NPHP4: variants seen among roughly 807,000 people sequenced by gnomAD.
NPHP4 encodes the protein nephrocystin-4.
NPHP4 carries 151 observed loss-of-function variants against 155.8 expected under a neutral mutation model. The ratio of observed to expected loss-of-function variants is 0.97; its 90% CI spans 0.85 to 1.11. The LOEUF is 1.11. Among genes scored for constraint, NPHP4 ranks in the 50% least tolerant of loss-of-function variants. The pLI, the probability that NPHP4 is intolerant of heterozygous loss-of-function variation, is 0.00. For missense variants in NPHP4, 1,956 were observed against 1,925.7 expected, an observed-to-expected ratio of 1.02 and a Z score of -0.29; for synonymous variants, 845 against 816.8, an observed-to-expected ratio of 1.03 and a Z score of -0.59.
chr1:5,865,915 G>A (rs1390267459), intron 26 of NPHP4: 1 of 209,326 alleles, frequency 4.8e-6, no homozygotes, highest in East Asian at 1.3e-4. Context: ...TTCTCACAGG[G>A]CTTGGGGATC....
At chr1:5,913,229 TGAG>T (rs1274279609) in intron 11 of NPHP4, among the ~76,000 whole-genome samples, 8 of 149,480 alleles carry the variant, frequency 5.4e-5, no homozygotes, top group African/African-American at 2.0e-4. Flanking sequence ...AGCGGGGCCC[TGAG>T]ATGGGGTTGC....
intron 23 of NPHP4, chr1:5,868,227 G>A (rs1416063172): frequency 4.9e-6 from 2 of 408,322 alleles, no homozygotes; most frequent in African/African-American, 2.0e-5. Flanking sequence ...CTCCTGCCAT[G>A]ATCCCACCTC....
chr1:5,984,110 A>G (rs938026315), intron 2 of NPHP4, among the ~76,000 whole-genome samples: 2 of 152,224 alleles, frequency 1.3e-5, no homozygotes, highest in African/African-American at 2.4e-5. Flanking sequence ...ATGTTCATCA[A>G]TCACGGCCTC....
At chr1:5,900,576 G>A (rs1232592390) in intron 16 of NPHP4, among the ~76,000 whole-genome samples, 2 of 152,150 alleles carry the variant, frequency 1.3e-5, no homozygotes, top group Admixed American at 1.3e-4. Flanking sequence ...GGAGCGCAGG[G>A]GAGGTGTAGG....
At position 5,867,126 on chromosome 1, in the gene NPHP4, G is replaced by A. The variant is rs1450979771; in HGVS notation, c.3473-11C>T. 2 of 1,604,670 alleles carry A rather than the reference G, an allele frequency of 1.2e-6. No homozygotes were observed. Among genetic ancestry groups the A allele is most frequent in the Non-Finnish European group, 8.5e-7 (1 of 1,174,724 alleles). On this transcript the variant is annotated splice_polypyrimidine_tract_variant and intron_variant, in intron 24 of 29. Coordinates refer to ENST00000378156, the MANE Select transcript of NPHP4 (RefSeq NM_015102.5). This position sits in a 1 kb window ranked among gnomAD's most constrained non-coding sequence, Gnocchi z 4.1. ...TTCCCACCGGAGCACCTGGAGCAGG[G>A]GAAATGTCAAAAAGAGTCTTCTCCA...
intron 19 of NPHP4, 135 bp from the exon 20 acceptor site, chr1:5,877,433 C>A: frequency 1.7e-6 from 1 of 573,058 alleles, no homozygotes; most frequent in Non-Finnish European, 3.0e-6. Context: ...TTTGCAGCTC[C>A]AATCTGCAGA....
At chr1:5,991,191 TG>T (rs1303642044) in intron 1 of NPHP4, among the ~76,000 whole-genome samples, 1 of 152,102 alleles carries the variant, frequency 6.6e-6, no homozygotes, top group African/African-American at 2.4e-5. Flanking sequence ...AAGCACTGCC[TG>T]GAATTCCCTC....
At chr1:5,897,667 C>T (rs115826797) in intron 16 of NPHP4, among the ~76,000 whole-genome samples, 1,757 of 152,144 alleles carry the variant, frequency 0.012, 23 homozygotes, top group African/African-American at 0.039. Flanking sequence ...AGAATGCAGG[C>T]GACTACGAGA....
At chr1:5,937,148 G>A (rs1455049043) in intron 9 of NPHP4, among the ~76,000 whole-genome samples, 5 of 152,032 alleles carry the variant, frequency 3.3e-5, no homozygotes, top group Non-Finnish European at 7.4e-5. Context: ...GAAGGAGCTC[G>A]GCCCGCCACA....
Position 5,907,224 on chromosome 1 carries a change from T to C in NPHP4, c.1504-2A>G. 1.3e-6 allele frequency: 2 copies of C among 1,568,216 alleles called. No homozygotes were observed. Among genetic ancestry groups the C allele is most frequent in the Non-Finnish European group, 1.7e-6 (2 of 1,154,780 alleles). ...GGCCGCCAGCTGGGAAATTGACAAC[T>C]GGAAGGAAAGAGAGCACAGGTGAGG... is the stretch of plus-strand genomic sequence containing the variant. On this transcript the variant is annotated splice_acceptor_variant, in intron 12 of 29. Coordinates refer to ENST00000378156, the MANE Select transcript of NPHP4 (RefSeq NM_015102.5). LOFTEE classifies it high-confidence loss of function.
chr1:5,865,934 G>T (rs1174482098), intron 26 of NPHP4: 2 of 214,218 alleles, frequency 9.3e-6, no homozygotes, highest in African/African-American at 4.6e-5. Context: ...TCCGACTTAG[G>T]AGGGGAGGGG....
chr1:5,981,349 T>C (rs926185026), intron 2 of NPHP4, among the ~76,000 whole-genome samples: 1 of 152,200 alleles, frequency 6.6e-6, no homozygotes, highest in Non-Finnish European at 1.5e-5. Flanking sequence ...AGACACAGTA[T>C]AGGGCAGAGT....
intron 11 of NPHP4, among the ~76,000 whole-genome samples, chr1:5,922,674 C>G (rs1401862969): frequency 6.6e-6 from 1 of 152,130 alleles, no homozygotes; most frequent in African/African-American, 2.4e-5. Context: ...AAAAACTTAG[C>G]CAGGCACGGT....
chr1:5,941,209 T>G (rs1452075285), intron 9 of NPHP4, among the ~76,000 whole-genome samples: 1 of 139,254 alleles, frequency 7.2e-6, no homozygotes, highest in Non-Finnish European at 1.5e-5. Flanking sequence ...GACTTCTGAG[T>G]AAGTGGTAGT....
chr1:5,992,386 G>A lies in NPHP4; in HGVS notation c.-181C>T, dbSNP rs1457616227. The stretch of plus-strand genomic sequence containing the variant: ...GAGGACCGAGGACTGGCCGAGGGGC[G>A]CGCCCCGTCCGCTGCCACCCGCGGG... On this transcript the variant is annotated 5_prime_UTR_variant, in exon 1 of 30. Coordinates refer to ENST00000378156, the MANE Select transcript of NPHP4 (RefSeq NM_015102.5). 2.6e-5 allele frequency: 4 copies of A among 152,252 alleles called. No individual in the cohort carries two copies. The highest frequency in any genetic ancestry group is 6.5e-5 in the Admixed American group (1 of 15,288). The allele number at this position is 152,252 out of a possible 1,614,324, so 9.4% of individuals were successfully genotyped here.
At chr1:5,923,154 A>G (rs2101612662) in intron 11 of NPHP4, among the ~76,000 whole-genome samples, 1 of 152,352 alleles carries the variant, frequency 6.6e-6, no homozygotes, top group South Asian at 2.1e-4. Flanking sequence ...ACACACAGCT[A>G]GAAGACGCTT....
rs1642417474 is a variant in NPHP4 at position 5,874,923 on chromosome 1, G to A, written c.2995C>T (p.His999Tyr). The A allele has an allele frequency of 6.2e-7, 1 of 1,613,794 alleles. No individual in the cohort carries two copies. Residue 999 changes from histidine (H) to tyrosine (Y), a missense_variant, in exon 21 of 30, where the codon CAC becomes TAC. Coordinates refer to ENST00000378156, the MANE Select transcript of NPHP4 (RefSeq NM_015102.5). ...ACAGTCACCGTGTGCTGTGTGTTGT[G>A]GGGGTTCTTAAGCACAAACTCAAAG... ...EFFEFVLKNP[H>Y]NTQHTVTVEI...
chr1:5,948,019 C>T lies in NPHP4; in HGVS notation c.992+51G>A, dbSNP rs911579826. 9.9e-6 allele frequency: 14 copies of T among 1,409,898 alleles called. No individual in the cohort carries two copies. The East Asian group carries it at 1.8e-4, about 18-fold the overall frequency. The allele number at this position is 1,409,898 out of a possible 1,614,324, so 87.3% of individuals were successfully genotyped here. The stretch of plus-strand genomic sequence containing the variant: ...ACATGCACAAATGACCTCATTTCAT[C>T]GTGATCCCTTGCACATCCCCACCCA... On this transcript the variant is annotated intron_variant, in intron 8 of 29. Coordinates refer to ENST00000378156, the MANE Select transcript of NPHP4 (RefSeq NM_015102.5).
At chr1:5,924,811 C>T (rs1263197897) in intron 11 of NPHP4, among the ~76,000 whole-genome samples, 4 of 152,084 alleles carry the variant, frequency 2.6e-5, no homozygotes, top group Non-Finnish European at 2.9e-5. Context: ...CACACCACCG[C>T]GCATAGCTAA....
Sources: gnomAD v4.1 joint callset for allele counts (sites outside exome capture counted in the v4.1 genomes callset) on GRCh38, gnomAD v4.1.1 for gene constraint, Gnocchi (gnomAD v3.1) non-coding constraint, MANE v1.5 for transcripts, NCBI Gene and HGNC (gene_info 2026-07-23, HGNC 2026-07-21) for gene names.